CEACAM5: variants seen among roughly 807,000 people sequenced by gnomAD.
CEACAM5 encodes the protein cell adhesion molecule CEACAM5.
In CEACAM5, 52 loss-of-function variants were observed where a neutral mutation model predicts 63.0. That is an observed-to-expected ratio of 0.83 (90% CI 0.66 to 1.04). The LOEUF (loss-of-function observed/expected upper bound fraction) is 1.04, where lower values mean the gene tolerates loss of function less well. Among genes scored for constraint, CEACAM5 ranks in the 50% least tolerant of loss-of-function variants. CEACAM5 has a pLI of 0.00. For synonymous variants in CEACAM5, 357 were observed against 351.3 expected (o/e 1.02, Z -0.18); for missense variants, 790 against 864.8 (o/e 0.91, Z 1.08).
Position 41,721,011 on chromosome 19 carries a change from C to G in CEACAM5, c.1861C>G (p.Pro621Ala), listed in dbSNP as rs1436868362. 1 of 1,614,174 alleles carries G rather than the reference C, an allele frequency of 6.2e-7. No individual in the cohort carries two copies. Among genetic ancestry groups the G allele is most frequent in the African/African-American group, 1.3e-5 (1 of 75,034 alleles). Residue 621 changes from proline (P) to alanine (A), a missense_variant, in exon 8 of 10, where the codon CCA becomes GCA. By Grantham distance (27) the Pro-to-Ala change is conservative. Transcript: ENST00000221992. ...CCTCTCCTGCCACTCGGCCTCTAAC[C>G]CATCCCCGCAGTATTCTTGGCGTAT... is the stretch of plus-strand genomic sequence containing the variant. ...LNLSCHSASNPSPQYSWRING... is the reference protein window; with the variant it reads ...LNLSCHSASNASPQYSWRING...
In CEACAM5 at chr19:41,720,016, G is replaced by A. The variant is rs1555815831; in HGVS notation, c.1579G>A (p.Ala527Thr). ...TGTGGCCTTCACCTGTGAACCTGAG[G>A]CTCAGAACACAACCTACCTGTGGTG... is the stretch of plus-strand genomic sequence containing the variant. The part of the protein sequence containing the change: ...DAVAFTCEPE[A>T]QNTTYLWWVN... Residue 527 changes from alanine (A) to threonine (T), a missense_variant, in exon 7 of 10, where the codon GCT (alanine) becomes ACT (threonine). Transcript: ENST00000221992. 4 of 1,614,200 alleles carry A rather than the reference G, an allele frequency of 2.5e-6. No homozygotes were observed. The highest frequency in any genetic ancestry group is 2.2e-5 in the East Asian group (1 of 44,884).
intron 2 of CEACAM5, among the ~76,000 whole-genome samples, chr19:41,712,832 C>T (rs946314848): frequency 6.6e-6 from 1 of 152,150 alleles, no homozygotes; most frequent in African/African-American, 2.4e-5. Flanking sequence ...TTTAATGTTT[C>T]CCCCAAATGT....
chr19:41,718,465 C>A, intron 6 of CEACAM5, 83 bp downstream of exon 6: 1 of 1,513,448 alleles, frequency 6.6e-7, no homozygotes, highest in South Asian at 1.2e-5. Flanking sequence ...AAGAAATTTT[C>A]TTTCCTAGTA....
rs1254110813 is a variant in CEACAM5 at position 41,715,239 on chromosome 19, G to A, written c.693G>A (p.Leu231=). ...CCAGGCGCAGTGATTCAGTCATCCT[G>A]AATGTCCTCTGTGAGTATATCTGCT... ...VSARRSDSVI[L]NVLYGPDAPT... Residue 231 remains leucine, a synonymous_variant, in exon 3 of 10, where the codon CTG becomes CTA. Transcript: ENST00000221992. 6.2e-7 allele frequency: 1 copy of A among 1,614,120 alleles called. No individual in the cohort carries two copies. The highest frequency in any genetic ancestry group is 8.5e-7 in the Non-Finnish European group (1 of 1,180,048).
Position 41,715,046 on chromosome 19 carries a change from G to A in CEACAM5, c.500G>A (p.Cys167Tyr), listed in dbSNP as rs2072497194. 5 of 1,614,208 alleles carry A rather than the reference G, an allele frequency of 3.1e-6. No individual in the cohort carries two copies. The East Asian group carries it at 1.1e-4, about 36-fold the overall frequency. Residue 167 changes from cysteine (C) to tyrosine (Y), a missense_variant, in exon 3 of 10, where the codon TGT becomes TAT. Physicochemically the swap from Cys to Tyr is radical, Grantham distance 194. Coordinates refer to ENST00000221992, the MANE Select transcript of CEACAM5 (RefSeq NM_004363.6). ...VEDKDAVAFT[C>Y]EPETQDATYL... Reference sequence around the variant, plus strand: ...GACAAGGATGCTGTGGCCTTCACCTGTGAACCTGAGACTCAGGACGCAACC... The same window carrying A: ...GACAAGGATGCTGTGGCCTTCACCTATGAACCTGAGACTCAGGACGCAACC...
intron 2 of CEACAM5, among the ~76,000 whole-genome samples, chr19:41,713,604 A>G (rs2122781798): frequency 6.6e-6 from 1 of 152,340 alleles, no homozygotes; most frequent in Non-Finnish European, 1.5e-5. Context: ...GGCTTTGACA[A>G]CCACCATTCT....
chr19:41,708,919 G>A, intron 1 of CEACAM5, 124 bp downstream of exon 1: 1 of 647,596 alleles, frequency 1.5e-6, no homozygotes, highest in Admixed American at 3.1e-5. Context: ...ACATCAGAGA[G>A]GGACAGGAGT....
At chr19:41,719,240 A>G (rs1280808646) in intron 6 of CEACAM5, among the ~76,000 whole-genome samples, 1 of 152,190 alleles carries the variant, frequency 6.6e-6, no homozygotes, top group Non-Finnish European at 1.5e-5. Flanking sequence ...ACCAGCCACT[A>G]TATATATCTA....
In CEACAM5 at chr19:41,717,630, CACTCT is replaced by C; in HGVS notation, c.1139_1143del (p.Leu380GlnfsTer6). The C allele has an allele frequency of 1.9e-6, 3 of 1,614,238 alleles. No individual in the cohort carries two copies. Among genetic ancestry groups the C allele is most frequent in the Non-Finnish European group, 2.5e-6 (3 of 1,180,044 alleles). ...AGCTGTCCAATGACAACAGGACCCTCACTCTACTCAGTGTCACAAGGAATGATGTA... is the reference window on the plus strand; with the variant it reads ...AGCTGTCCAATGACAACAGGACCCTCACTCAGTGTCACAAGGAATGATGTA... On this transcript the variant is annotated frameshift_variant, in exon 5 of 10. Coordinates refer to ENST00000221992, the MANE Select transcript of CEACAM5 (RefSeq NM_004363.6). LOFTEE classifies it high-confidence loss of function.
chr19:41,725,044 G>A (rs1048901019), intron 8 of CEACAM5, among the ~76,000 whole-genome samples: 5 of 152,166 alleles, frequency 3.3e-5, no homozygotes, highest in African/African-American at 1.2e-4. Context: ...GTCTTACAGG[G>A]AAAGCTTTCA....
At position 41,715,862 on chromosome 19, in the gene CEACAM5, A is replaced by G; in HGVS notation, c.916A>G (p.Thr306Ala). Residue 306 changes from threonine to alanine, a missense_variant, in exon 4 of 10, where the codon ACT (threonine) becomes GCT (alanine). Physicochemically the swap from Thr to Ala is moderately conservative, Grantham distance 58 (BLOSUM62 0). Transcript: ENST00000221992. ...TACGTGCCAAGCCCATAACTCAGAC[A>G]CTGGCCTCAATAGGACCACAGTCAC... Reference protein sequence around the residue: ...SYTCQAHNSDTGLNRTTVTTI... With the variant: ...SYTCQAHNSDAGLNRTTVTTI... 1 of 1,614,174 alleles carries G rather than the reference A, an allele frequency of 6.2e-7. No homozygotes were observed. The highest frequency in any genetic ancestry group is 8.5e-7 in the Non-Finnish European group (1 of 1,180,018).
At chr19:41,713,336 A>C (rs2072467427) in intron 2 of CEACAM5, among the ~76,000 whole-genome samples, 1 of 152,174 alleles carries the variant, frequency 6.6e-6, no homozygotes, top group Non-Finnish European at 1.5e-5. Context: ...AGAAAAGAAA[A>C]AAGAAAGGCT....
At chr19:41,726,677 T>G (rs998603808) in intron 8 of CEACAM5, among the ~76,000 whole-genome samples, 2 of 152,156 alleles carry the variant, frequency 1.3e-5, no homozygotes, top group African/African-American at 4.8e-5. Context: ...GAGTTTTAGA[T>G]AGTGATGCAG....
At chr19:41,719,624 G>A (rs1555815724) in intron 6 of CEACAM5, among the ~76,000 whole-genome samples, 1 of 152,232 alleles carries the variant, frequency 6.6e-6, no homozygotes, top group East Asian at 1.9e-4. Context: ...CAGGCCGTCA[G>A]CCATCAGGGA....
intron 8 of CEACAM5, among the ~76,000 whole-genome samples, chr19:41,725,645 T>G (rs2072690688): frequency 6.6e-6 from 1 of 152,190 alleles, no homozygotes; most frequent in Non-Finnish European, 1.5e-5. Context: ...TGTGCTGGGA[T>G]TAAATGTGTG....
chr19:41,715,432 G>A (rs1555814815), intron 3 of CEACAM5, 183 bp downstream of exon 3: 6 of 1,138,086 alleles, frequency 5.3e-6, no homozygotes, highest in Middle Eastern at 1.9e-4. Flanking sequence ...GAATAGGAGG[G>A]GAGGGGCTGC....
At chr19:41,727,496 T>C in intron 9 of CEACAM5, 144 bp downstream of exon 9, 1 of 633,874 alleles carries the variant, frequency 1.6e-6, no homozygotes. Flanking sequence ...CACTAATTCC[T>C]GCAGGTCTCT....
chr19:41,717,124 G>C (rs2072538749), intron 4 of CEACAM5, among the ~76,000 whole-genome samples: 1 of 152,240 alleles, frequency 6.6e-6, no homozygotes, highest in Admixed American at 6.5e-5. Flanking sequence ...TTCCAGGTGA[G>C]GACCCCAATG....
intron 9 of CEACAM5, 110 bp downstream of exon 9, chr19:41,727,462 T>C (rs1279917744): frequency 1.5e-6 from 1 of 680,722 alleles, no homozygotes; most frequent in Non-Finnish European, 2.6e-6. Flanking sequence ...CTCTTCCTCC[T>C]ACCCCCAAGC....
Sources: allele counts gnomAD v4.1 joint callset (sites outside exome capture counted in the v4.1 genomes callset), GRCh38; gene constraint gnomAD v4.1.1; transcripts MANE v1.5; gene names NCBI Gene and HGNC (gene_info 2026-07-23, HGNC 2026-07-21).